Variants in TRMT44 observed in about 807,000 individuals in gnomAD.
The protein encoded by TRMT44 is tRNA methyltransferase 44 homolog.
Under a neutral mutation model 77.3 loss-of-function variants are expected in TRMT44, and 78 were observed. That is an observed-to-expected ratio of 1.01 (90% confidence interval 0.84 to 1.22). The LOEUF (loss-of-function observed/expected upper bound fraction) is 1.22. TRMT44 is among the 50% of genes most tolerant of loss of function. TRMT44 has a pLI of 0.00. For synonymous variants in TRMT44, 391 were observed against 383.3 expected, an observed-to-expected ratio of 1.02 and a Z score of -0.23; for missense variants, 1,090 against 964.4, an observed-to-expected ratio of 1.13 and a Z score of -1.73.
the TRMT44 span, among the ~76,000 whole-genome samples, chr4:8,507,789 C>G: frequency 6.6e-6 from 1 of 152,230 alleles, no homozygotes; most frequent in Non-Finnish European, 1.5e-5. Context: ...TCCTTCACCC[C>G]TGCCCCGTCC....
At chr4:8,512,952 G>T in the TRMT44 span, among the ~76,000 whole-genome samples, 37 of 152,172 alleles carry the variant, frequency 2.4e-4, no homozygotes, top group Middle Eastern at 3.4e-3. Flanking sequence ...TCACTCTCTC[G>T]CCCGGGCTGG....
the TRMT44 span, chr4:8,511,042 G>A: frequency 6.6e-6 from 1 of 152,340 alleles, no homozygotes; most frequent in African/African-American, 2.4e-5. Context: ...CCCTGTAATT[G>A]TGCATGGCGC....
rs1415320499 is a variant in TRMT44, at chr4:8,451,954, T to C, written c.955-6T>C. 6 of 1,536,430 alleles carry C rather than the reference T, an allele frequency of 3.9e-6. No homozygotes were observed. In the East Asian group the frequency reaches 1.2e-4, roughly 31 times the overall value. On this transcript the variant is annotated splice_polypyrimidine_tract_variant and splice_region_variant and intron_variant, in intron 3 of 10. Coordinates refer to ENST00000389737, the MANE Select transcript of TRMT44 (RefSeq NM_152544.3). The surrounding 1 kb of genome is among the most constrained non-coding windows in gnomAD (Gnocchi z 4.1). ...CAATTTATGTTTGCTCTTGAAACTG[T>C]TTTAGGTGTGGCCTGAAGTCACTGA...
In TRMT44 at chr4:8,471,116, C is replaced by T; in HGVS notation, c.1960C>T (p.Leu654=). ...ATCTCTGGCAGAAGTAGCCAACGAG[C>T]TGGACACGGAGACCCTGCGGAGGCT... ...SLSLAEVANE[L]DTETLRRLKR... The change falls in exon 10 of 11, where the codon CTG becomes TTG. Residue 654 remains leucine (L), a synonymous_variant. Transcript: ENST00000389737. 1.9e-6 allele frequency: 3 copies of T among 1,606,464 alleles called. No homozygotes were observed. Among genetic ancestry groups the T allele is most frequent in the Non-Finnish European group, 2.5e-6 (3 of 1,176,502 alleles).
downstream of TRMT44, chr4:8,477,951 C>T (rs568392342): frequency 6.5e-6 from 1 of 152,884 alleles, no homozygotes; most frequent in South Asian, 2.1e-4. Context: ...TGAGCTAAGC[C>T]CAGGATGCCG....
rs542501252 is a variant in TRMT44, at chr4:8,441,586, C to T, written c.619+145C>T. 152 of 973,756 alleles carry T rather than the reference C, an allele frequency of 1.6e-4. No homozygotes were observed. The East Asian group carries it at 4.2e-3, about 27-fold the overall frequency. 60.3% of individuals were successfully genotyped at this position (973,756 alleles called of 1,614,324 possible). A position where few individuals can be genotyped will look rare whatever the true frequency, so the allele number is the denominator to read the frequency against. ...GGTGTTTCATAGTTTTTTGAGTGGG[C>T]GCATAGAAATGTGTGTCCTTAGTAC... On this transcript the variant is annotated intron_variant, in intron 1 of 10. Transcript: ENST00000389737.
chr4:8,494,838 G>A (rs1299032937), downstream of TRMT44, among the ~76,000 whole-genome samples: 3 of 152,168 alleles, frequency 2.0e-5, no homozygotes, highest in Admixed American at 2.0e-4. Context: ...GTCTTATATA[G>A]GGATAAAATG....
At position 8,441,887 on chromosome 4, in the gene TRMT44, A is replaced by G. The variant is rs373709930; in HGVS notation, c.619+446A>G. On this transcript the variant is annotated intron_variant, in intron 1 of 10. Transcript: ENST00000389737. The stretch of plus-strand genomic sequence containing the variant: ...GCCTGGGAGCTCTGGTCTCCACACT[A>G]TTGAGTACAATCACTTAGATCTAAG... Among the ~76,000 whole-genome samples, 4 of 152,248 alleles carry G rather than the reference A, an allele frequency of 2.6e-5. No individual in the cohort carries two copies. In the East Asian group the frequency reaches 7.7e-4, roughly 29 times the overall value.
chr4:8,499,159 G>A, the TRMT44 span, among the ~76,000 whole-genome samples: 1 of 152,100 alleles, frequency 6.6e-6, no homozygotes, highest in East Asian at 1.9e-4. Flanking sequence ...GGTTAGAGGT[G>A]GCCTCCTGAG....
intron 2 of TRMT44, among the ~76,000 whole-genome samples, chr4:8,485,170 G>T (rs990763709): frequency 6.6e-6 from 1 of 152,242 alleles, no homozygotes; most frequent in Admixed American, 6.5e-5. Context: ...CAGGTAAGCT[G>T]CTGGGACTGA....
intron 2 of TRMT44, among the ~76,000 whole-genome samples, chr4:8,485,976 G>C (rs1307669499): frequency 6.6e-6 from 1 of 152,220 alleles, no homozygotes; most frequent in East Asian, 1.9e-4. Context: ...CACTGTGAGA[G>C]TTACCTAAAG....
At chr4:8,475,423 C>G (rs184546544) in intron 10 of TRMT44, among the ~76,000 whole-genome samples, 58 of 152,346 alleles carry the variant, frequency 3.8e-4, no homozygotes, top group African/African-American at 1.3e-3. Flanking sequence ...GTCCTCTGCC[C>G]TCCCCTCTGG....
downstream of TRMT44, among the ~76,000 whole-genome samples, chr4:8,496,794 C>A (rs1260395977): frequency 7.1e-6 from 1 of 140,546 alleles, no homozygotes; most frequent in Non-Finnish European, 1.6e-5. Context: ...TTTTCTTTTT[C>A]TTTTTTTTTT....
intron 10 of TRMT44, among the ~76,000 whole-genome samples, chr4:8,474,729 G>A (rs1027564971): frequency 2.0e-5 from 3 of 152,216 alleles, no homozygotes; most frequent in Non-Finnish European, 2.9e-5. Flanking sequence ...CTTCCAGCGA[G>A]AACCAGGAAG....
At chr4:8,467,298 G>C (rs1218864066) in intron 8 of TRMT44, among the ~76,000 whole-genome samples, 1 of 152,352 alleles carries the variant, frequency 6.6e-6, no homozygotes, top group Non-Finnish European at 1.5e-5. Flanking sequence ...AGGGGCGGCA[G>C]CGGGAAACTA....
intron 1 of TRMT44, among the ~76,000 whole-genome samples, chr4:8,443,966 A>G (rs1446030998): frequency 3.9e-5 from 6 of 152,170 alleles, no homozygotes. Flanking sequence ...TCTAAAAAAA[A>G]AAAAAAGGAA....
chr4:8,498,058 A>G (rs1728200896), downstream of TRMT44, among the ~76,000 whole-genome samples: 1 of 152,168 alleles, frequency 6.6e-6, no homozygotes, highest in Admixed American at 6.5e-5. This position sits in a 1 kb window ranked among gnomAD's most constrained non-coding sequence, Gnocchi z 4.3. Context: ...TCCAGTGCAA[A>G]TCAGGACTCA....
intron 7 of TRMT44, among the ~76,000 whole-genome samples, chr4:8,464,361 T>C (rs1290385558): frequency 1.3e-5 from 2 of 152,242 alleles, no homozygotes; most frequent in African/African-American, 4.8e-5. Context: ...CCAGCACTGA[T>C]TGGCACTGTG....
At chr4:8,500,808 C>T in the TRMT44 span, among the ~76,000 whole-genome samples, 2 of 152,140 alleles carry the variant, frequency 1.3e-5, no homozygotes, top group African/African-American at 4.8e-5. Context: ...CAGGTGTGCA[C>T]CAACATGCCC....
Sources: gnomAD v4.1 joint callset for allele counts (sites outside exome capture counted in the v4.1 genomes callset) on GRCh38, gnomAD v4.1.1 for gene constraint, Gnocchi (gnomAD v3.1) non-coding constraint, MANE v1.5 for transcripts, NCBI Gene and HGNC (gene_info 2026-07-23, HGNC 2026-07-21) for gene names.